The following STPG2 variants were observed in gnomAD, a reference collection of about 807,000 sequenced individuals.
The protein encoded by STPG2 is sperm tail PG-rich repeat containing 2.
In STPG2, 56 loss-of-function variants were observed where a neutral mutation model predicts 54.2. That is an observed-to-expected ratio of 1.03 (90% CI 0.83 to 1.29). STPG2 has a LOEUF of 1.29. Ranked by LOEUF, STPG2 falls within the 50% of genes most tolerant of loss-of-function variation. STPG2 has a pLI of 0.00. For synonymous variants in STPG2, 200 were observed against 181.8 expected (o/e 1.10, Z -0.81); for missense variants, 596 against 544.9 (o/e 1.09, Z -0.93).
At chr4:98,056,228 G>C (rs1372438516) in intron 5 of STPG2, among the ~76,000 whole-genome samples, 3 of 152,130 alleles carry the variant, frequency 2.0e-5, no homozygotes, top group Non-Finnish European at 4.4e-5. Flanking sequence ...CCCACACCTT[G>C]AGTGATCACT....
intron 4 of STPG2, among the ~76,000 whole-genome samples, chr4:97,509,641 A>G (rs1337675416): frequency 6.6e-6 from 1 of 152,122 alleles, no homozygotes; most frequent in Non-Finnish European, 1.5e-5. Flanking sequence ...ATTGATTTTA[A>G]ATAAAGACAA....
chr4:97,529,782 T>C (rs542259183), intron 4 of STPG2, among the ~76,000 whole-genome samples: 21 of 152,026 alleles, frequency 1.4e-4, no homozygotes, highest in Non-Finnish European at 3.1e-4. Context: ...GGTGTCTTTG[T>C]TCTGGCAATA....
chr4:97,447,579 G>A (rs548377585), intron 4 of STPG2, among the ~76,000 whole-genome samples: 41 of 152,266 alleles, frequency 2.7e-4, no homozygotes, highest in South Asian at 2.1e-3. Flanking sequence ...GGCTAAAACG[G>A]GCAAGGTATG....
intron 8 of STPG2, among the ~76,000 whole-genome samples, chr4:97,912,492 G>A (rs923915063): frequency 2.0e-5 from 3 of 152,188 alleles, no homozygotes; most frequent in Non-Finnish European, 2.9e-5. Context: ...TGATGGAGCT[G>A]AAATACAACA....
intron 8 of STPG2, chr4:97,917,081 A>C (rs1166840296): frequency 6.6e-6 from 1 of 152,594 alleles, no homozygotes; most frequent in African/African-American, 2.4e-5. Flanking sequence ...CAATAACTCT[A>C]TCTCCCTCTT....
At chr4:97,672,669 T>C (rs544003057) in intron 10 of STPG2, among the ~76,000 whole-genome samples, 3 of 152,196 alleles carry the variant, frequency 2.0e-5, no homozygotes, top group Admixed American at 2.0e-4. Context: ...TTAAGATATA[T>C]AGGGTCAAAG....
At chr4:97,984,181 C>G (rs1312848891) in intron 5 of STPG2, among the ~76,000 whole-genome samples, 2 of 152,014 alleles carry the variant, frequency 1.3e-5, no homozygotes, top group South Asian at 4.1e-4. Context: ...TTTTCTGAGA[C>G]AGAGTCTCAT....
At chr4:98,063,286 T>C (rs1421248583) in intron 5 of STPG2, among the ~76,000 whole-genome samples, 2 of 151,524 alleles carry the variant, frequency 1.3e-5, no homozygotes. Flanking sequence ...CCGTCTCTAC[T>C]AAAAATACAA....
At chr4:97,858,122 C>T (rs1422053167) in intron 8 of STPG2, among the ~76,000 whole-genome samples, 2 of 151,978 alleles carry the variant, frequency 1.3e-5, no homozygotes, top group South Asian at 2.1e-4. Flanking sequence ...TAAGGGTAGA[C>T]AGTTTAATAA....
intron 1 of STPG2, 53 bp from the exon 2 acceptor site, chr4:98,134,512 C>T: frequency 2.8e-6 from 3 of 1,078,204 alleles, no homozygotes; most frequent in Non-Finnish European, 3.9e-6. Flanking sequence ...CCAAGGATTT[C>T]AGAGAAAAAC....
At chr4:98,128,831 G>C (rs1176020759) in intron 2 of STPG2, among the ~76,000 whole-genome samples, 1 of 152,074 alleles carries the variant, frequency 6.6e-6, no homozygotes, top group East Asian at 1.9e-4. Context: ...CCAGGTTCAA[G>C]TGATTCTCCC....
chr4:97,733,406 C>G (rs1724869501), intron 9 of STPG2, among the ~76,000 whole-genome samples: 1 of 151,820 alleles, frequency 6.6e-6, no homozygotes, highest in African/African-American at 2.4e-5. Context: ...CAAAGTCATA[C>G]AGAGTGATAT....
intron 10 of STPG2, among the ~76,000 whole-genome samples, chr4:97,643,270 T>A (rs1448942974): frequency 6.6e-6 from 1 of 151,646 alleles, no homozygotes; most frequent in African/African-American, 2.4e-5. Context: ...ATCTCCATTT[T>A]CTAACAGGCT....
intron 4 of STPG2, among the ~76,000 whole-genome samples, chr4:97,460,949 C>T (rs552802501): frequency 6.6e-6 from 1 of 152,320 alleles, no homozygotes; most frequent in Admixed American, 6.5e-5. Context: ...ATATAACATT[C>T]ATGCTCAGTT....
chr4:98,035,149 G>A (rs1042615002), intron 5 of STPG2, among the ~76,000 whole-genome samples: 4 of 152,182 alleles, frequency 2.6e-5, no homozygotes, highest in Non-Finnish European at 5.9e-5. Context: ...ACGATCATCA[G>A]AGTGAACAGG....
At chr4:97,939,559 T>A (rs1732897234) in intron 8 of STPG2, among the ~76,000 whole-genome samples, 1 of 152,218 alleles carries the variant, frequency 6.6e-6, no homozygotes, top group African/African-American at 2.4e-5. Context: ...TGTAATGCCC[T>A]TCTTTGTCAT....
chr4:98,052,657 C>A (rs1018105862), intron 5 of STPG2, among the ~76,000 whole-genome samples: 6 of 152,064 alleles, frequency 3.9e-5, no homozygotes, highest in Admixed American at 3.3e-4. Flanking sequence ...AAAATATATA[C>A]CTTAGGCAGT....
chr4:97,792,665 C>A (rs1560530003), intron 9 of STPG2, among the ~76,000 whole-genome samples: 1 of 151,440 alleles, frequency 6.6e-6, no homozygotes, highest in Non-Finnish European at 1.5e-5. Flanking sequence ...CCTACCAAGT[C>A]ATACAATATC....
chr4:97,762,861 T>C (rs547066945), intron 9 of STPG2, among the ~76,000 whole-genome samples: 1 of 152,310 alleles, frequency 6.6e-6, no homozygotes, highest in East Asian at 1.9e-4. Context: ...TTATAGTGTT[T>C]GCATAAATGT....
Sources: allele counts gnomAD v4.1 joint callset (sites outside exome capture counted in the v4.1 genomes callset), GRCh38; gene constraint gnomAD v4.1.1; transcripts MANE v1.5; gene names NCBI Gene and HGNC (gene_info 2026-07-23, HGNC 2026-07-21).